CFAP95: variants seen among roughly 807,000 people sequenced by gnomAD.
CFAP95 encodes cilia and flagella associated protein 95.
At chr9:69,855,561 C>T in the CFAP95 span, among the ~76,000 whole-genome samples, 17 of 152,218 alleles carry the variant, frequency 1.1e-4, no homozygotes, top group South Asian at 3.5e-3. Context: ...TGGATCAAAG[C>T]TGGGAAATTT....
At chr9:69,842,137 G>A in the CFAP95 span, among the ~76,000 whole-genome samples, 1 of 152,166 alleles carries the variant, frequency 6.6e-6, no homozygotes, top group East Asian at 1.9e-4. Context: ...ATGGTGCTGG[G>A]TTTCCAGGAA....
chr9:69,879,706 G>T, the CFAP95 span, among the ~76,000 whole-genome samples: 1 of 152,186 alleles, frequency 6.6e-6, no homozygotes, highest in Non-Finnish European at 1.5e-5. Context: ...TATCAGAGAA[G>T]AAAGTTTGTA....
chr9:69,866,963 G>A, the CFAP95 span, among the ~76,000 whole-genome samples: 7 of 152,160 alleles, frequency 4.6e-5, no homozygotes, highest in Admixed American at 3.3e-4. Context: ...GAGTGGTGAC[G>A]GCTTACTAGT....
At chr9:69,887,201 A>G in the CFAP95 span, among the ~76,000 whole-genome samples, 1 of 152,196 alleles carries the variant, frequency 6.6e-6, no homozygotes, top group Non-Finnish European at 1.5e-5. Context: ...CCCACTTTCT[A>G]TTCATTTGTA....
chr9:69,856,748 T>C, the CFAP95 span: 2 of 946,144 alleles, frequency 2.1e-6, no homozygotes, highest in African/African-American at 3.3e-5. Context: ...CAAAAAGGTA[T>C]AGTGACCCCA....
At chr9:69,861,767 TA>T in the CFAP95 span, among the ~76,000 whole-genome samples, 2 of 150,362 alleles carry the variant, frequency 1.3e-5, no homozygotes, top group Non-Finnish European at 1.5e-5. Flanking sequence ...AACATTTTCT[TA>T]AGTCTCTTTA....
At chr9:69,902,395 G>A in the CFAP95 span, 1 of 443,918 alleles carries the variant, frequency 2.3e-6, no homozygotes. Flanking sequence ...AACTGTGAGT[G>A]GGATTACAAG....
the CFAP95 span, among the ~76,000 whole-genome samples, chr9:69,821,632 C>G: frequency 6.6e-6 from 1 of 152,062 alleles, no homozygotes; most frequent in South Asian, 2.1e-4. Context: ...TGAACGAGGC[C>G]CCTCATATTT....
the CFAP95 span, among the ~76,000 whole-genome samples, chr9:69,830,127 A>G: frequency 6.6e-6 from 1 of 152,188 alleles, no homozygotes; most frequent in African/African-American, 2.4e-5. Flanking sequence ...GTGGAAGAGT[A>G]TGGGAAACAT....
At chr9:69,903,971 ACCTTGGC>A in the CFAP95 span, among the ~76,000 whole-genome samples, 7 of 152,186 alleles carry the variant, frequency 4.6e-5, no homozygotes, top group African/African-American at 1.4e-4. Context: ...TGATCCTCAC[ACCTTGGC>A]CTTCCAAAGT....
At chr9:69,880,605 G>A in the CFAP95 span, among the ~76,000 whole-genome samples, 2 of 152,190 alleles carry the variant, frequency 1.3e-5, no homozygotes, top group Admixed American at 1.3e-4. Flanking sequence ...ATTGTGAACA[G>A]TGCTGCAACA....
the CFAP95 span, among the ~76,000 whole-genome samples, chr9:69,897,421 G>T: frequency 4.3e-3 from 655 of 152,300 alleles, 12 homozygotes; most frequent in Admixed American, 0.032. Context: ...GGATGATCTG[G>T]ATGAAGGAAT....
chr9:69,821,958 C>A, the CFAP95 span, among the ~76,000 whole-genome samples: 3 of 152,010 alleles, frequency 2.0e-5, no homozygotes, highest in African/African-American at 7.2e-5. Flanking sequence ...CTTGCTTGGC[C>A]CCAAGAAGCA....
At chr9:69,840,998 C>T in the CFAP95 span, among the ~76,000 whole-genome samples, 1 of 151,416 alleles carries the variant, frequency 6.6e-6, no homozygotes, top group African/African-American at 2.4e-5. Flanking sequence ...TTGTAAGAAT[C>T]TAGTTATCAT....
chr9:69,843,247 A>T, the CFAP95 span, among the ~76,000 whole-genome samples: 1 of 151,992 alleles, frequency 6.6e-6, no homozygotes, highest in Non-Finnish European at 1.5e-5. Context: ...TGGATGATTG[A>T]ATTCTCGGGT....
chr9:69,823,972 T>C, the CFAP95 span, among the ~76,000 whole-genome samples: 1 of 152,192 alleles, frequency 6.6e-6, no homozygotes, highest in African/African-American at 2.4e-5. Flanking sequence ...ACTGGCCATC[T>C]AGATGTGTAC....
chr9:69,866,690 TG>T, the CFAP95 span, among the ~76,000 whole-genome samples: 4 of 152,258 alleles, frequency 2.6e-5, no homozygotes, highest in Admixed American at 2.0e-4. Flanking sequence ...CTGGGCTATC[TG>T]GGCATTCTTT....
chr9:69,860,489 C>T, the CFAP95 span, among the ~76,000 whole-genome samples: 1 of 152,078 alleles, frequency 6.6e-6, no homozygotes, highest in Non-Finnish European at 1.5e-5. Flanking sequence ...TTGGGGATCA[C>T]ATTTCAGTAT....
At chr9:69,858,243 C>G in the CFAP95 span, 1 of 445,946 alleles carries the variant, frequency 2.2e-6, no homozygotes. Context: ...TTGTATCCCA[C>G]AAGTCAATAC....
Sources: gnomAD v4.1 joint callset for allele counts (sites outside exome capture counted in the v4.1 genomes callset) on GRCh38, gnomAD v4.1.1 for gene constraint, MANE v1.5 for transcripts, NCBI Gene and HGNC (gene_info 2026-07-23, HGNC 2026-07-21) for gene names.